Variants in NRCAM observed in about 807,000 individuals in gnomAD.
NRCAM encodes NgCAM-related cell adhesion molecule.
A neutral mutation model predicts 156.5 loss-of-function variants in NRCAM; 83 were observed. That is an observed-to-expected ratio of 0.53 (90% confidence interval 0.44 to 0.64). The LOEUF (loss-of-function observed/expected upper bound fraction) is 0.64, where lower values mean the gene tolerates loss of function less well. Among genes scored for constraint, NRCAM ranks in the 30% least tolerant of loss-of-function variants. The probability of loss-of-function intolerance (pLI) is 0.00; values close to 1 mark genes in which losing one functional copy is unlikely to be tolerated. For synonymous variants in NRCAM, 538 were observed against 563.9 expected (o/e 0.95, Z 0.65); for missense variants, 1,417 against 1,597.3 (o/e 0.89, Z 1.92).
At chr7:108,304,601 T>A (rs1224409337) in intron 3 of NRCAM, among the ~76,000 whole-genome samples, 1 of 152,144 alleles carries the variant, frequency 6.6e-6, no homozygotes, top group Non-Finnish European at 1.5e-5. Context: ...TTCCATAAAT[T>A]AGTATCTTAT....
At chr7:108,202,922 C>A (rs900548944) in intron 13 of NRCAM, among the ~76,000 whole-genome samples, 7 of 152,154 alleles carry the variant, frequency 4.6e-5, no homozygotes, top group African/African-American at 1.7e-4. Flanking sequence ...ACAACGCACG[C>A]TGGAAACTAT....
chr7:108,231,263 T>C, intron 7 of NRCAM, 110 bp from the exon 8 acceptor site: 1 of 698,978 alleles, frequency 1.4e-6, no homozygotes, highest in Non-Finnish European at 2.3e-6. Context: ...TTGTAATTTA[T>C]GTACACTAAA....
chr7:108,171,236 AC>A (rs1288312636), intron 28 of NRCAM, among the ~76,000 whole-genome samples: 1 of 151,868 alleles, frequency 6.6e-6, no homozygotes, highest in East Asian at 1.9e-4. Context: ...CTCTGTAGAT[AC>A]CGCCAGTGTA....
chr7:108,320,793 G>A (rs1266137084), intron 2 of NRCAM, among the ~76,000 whole-genome samples: 2 of 152,184 alleles, frequency 1.3e-5, no homozygotes, highest in Non-Finnish European at 2.9e-5. Context: ...AATATATACT[G>A]TTGAATGGGA....
intron 2 of NRCAM, among the ~76,000 whole-genome samples, chr7:108,322,153 C>T (rs1446051936): frequency 1.3e-5 from 2 of 150,216 alleles, no homozygotes; most frequent in Non-Finnish European, 3.0e-5. Flanking sequence ...CTAGACATTT[C>T]GTTTTTTTTC....
At chr7:108,223,892 C>G in intron 10 of NRCAM, 56 bp from the exon 11 acceptor site, 1 of 833,340 alleles carries the variant, frequency 1.2e-6, no homozygotes, top group Non-Finnish European at 2.1e-6. Flanking sequence ...TTTCTATAAA[C>G]ACTTCATTGT....
chr7:108,348,793 C>T (rs1030264454), intron 2 of NRCAM, among the ~76,000 whole-genome samples: 5 of 151,488 alleles, frequency 3.3e-5, no homozygotes, highest in South Asian at 2.1e-4. Context: ...CCCAGCCACT[C>T]GGGAGGCTGA....
At chr7:108,168,128 G>A (rs1008068344) in intron 29 of NRCAM, 149 bp downstream of exon 29, 33 of 789,714 alleles carry the variant, frequency 4.2e-5, no homozygotes, top group Non-Finnish European at 5.7e-5. Context: ...TAGGCTGATG[G>A]TTCACTATAA....
At chr7:108,343,950 A>G (rs1316894831) in intron 2 of NRCAM, among the ~76,000 whole-genome samples, 1 of 152,182 alleles carries the variant, frequency 6.6e-6, no homozygotes, top group East Asian at 1.9e-4. Flanking sequence ...CGTTCTTCAA[A>G]TGGATCCCCA....
intron 3 of NRCAM, among the ~76,000 whole-genome samples, chr7:108,254,784 T>A (rs2096548826): frequency 6.6e-6 from 1 of 152,056 alleles, no homozygotes; most frequent in Admixed American, 6.6e-5. Flanking sequence ...TTCCTGAGCT[T>A]TAGTAATCCA....
At chr7:108,295,824 G>A (rs1227857236) in intron 3 of NRCAM, among the ~76,000 whole-genome samples, 1 of 152,174 alleles carries the variant, frequency 6.6e-6, no homozygotes, top group African/African-American at 2.4e-5. Context: ...GTACCTCTGT[G>A]GTCAGTGTCC....
intron 3 of NRCAM, among the ~76,000 whole-genome samples, chr7:108,261,351 G>A (rs1388732056): frequency 6.6e-6 from 1 of 152,192 alleles, no homozygotes; most frequent in African/African-American, 2.4e-5. Flanking sequence ...CACCGCCTAA[G>A]TTAGGTCTGT....
intron 1 of NRCAM, among the ~76,000 whole-genome samples, chr7:108,422,667 A>G (rs1811649903): frequency 6.6e-6 from 1 of 151,562 alleles, no homozygotes; most frequent in Admixed American, 6.6e-5. Flanking sequence ...GACTGAAGTG[A>G]ATCTACACCC....
intron 3 of NRCAM, among the ~76,000 whole-genome samples, chr7:108,256,950 A>G (rs1173276890): frequency 6.8e-6 from 1 of 147,106 alleles, no homozygotes; most frequent in African/African-American, 2.5e-5. Context: ...TGGAGGTTGC[A>G]GTGAGCCAAG....
chr7:108,206,623 G>C (rs2081296625), intron 13 of NRCAM, among the ~76,000 whole-genome samples: 1 of 152,162 alleles, frequency 6.6e-6, no homozygotes, highest in South Asian at 2.1e-4. Flanking sequence ...GAAGAGGAGA[G>C]TCTAGTGGGT....
At chr7:108,228,955 TTAAAG>T (rs2153720603) in intron 8 of NRCAM, among the ~76,000 whole-genome samples, 2 of 152,148 alleles carry the variant, frequency 1.3e-5, no homozygotes, top group African/African-American at 4.8e-5. Flanking sequence ...ATCCCAGAAC[TTAAAG>T]TAAAATAAAA....
At position 108,329,795 on chromosome 7, in the gene NRCAM, C is replaced by G. The variant is rs537666766; in HGVS notation, c.-173-17064G>C. The stretch of plus-strand genomic sequence containing the variant: ...CTGAAACCCAACCAAGTAGAGACAT[C>G]AGAGAATCTTGACTGGCTCCTATCT... On this transcript the variant is annotated intron_variant, in intron 2 of 32. Coordinates refer to ENST00000379028, the MANE Select transcript of NRCAM (RefSeq NM_001037132.4). 2.6e-5 allele frequency among the ~76,000 whole-genome samples: 4 copies of G among 152,264 alleles called. No individual in the cohort carries two copies. The East Asian group carries it at 5.8e-4, about 22-fold the overall frequency.
intron 11 of NRCAM, among the ~76,000 whole-genome samples, chr7:108,221,555 C>A (rs1016123466): frequency 6.6e-6 from 1 of 152,102 alleles, no homozygotes; most frequent in African/African-American, 2.4e-5. Context: ...TTGCGGTGAC[C>A]TGGATGAGAA....
intron 3 of NRCAM, among the ~76,000 whole-genome samples, chr7:108,305,126 G>A (rs998826657): frequency 2.6e-5 from 4 of 152,098 alleles, no homozygotes; most frequent in Non-Finnish European, 5.9e-5. Context: ...TCTGGTTTGG[G>A]TAGAATATAT....
Sources: allele counts gnomAD v4.1 joint callset (sites outside exome capture counted in the v4.1 genomes callset), GRCh38; gene constraint gnomAD v4.1.1; transcripts MANE v1.5; gene names NCBI Gene and HGNC (gene_info 2026-07-23, HGNC 2026-07-21).